Variants in ZC3H8 observed in about 807,000 individuals in gnomAD.
The protein encoded by ZC3H8 is zinc finger CCCH domain-containing protein 8.
ZC3H8 carries 27 observed loss-of-function variants against 42.5 expected under a neutral mutation model. The ratio of observed to expected loss-of-function variants is 0.64; its 90% CI spans 0.47 to 0.88. ZC3H8 has a LOEUF of 0.88. Ranked by LOEUF, ZC3H8 falls within the 40% of genes least tolerant of loss-of-function variation. The probability of loss-of-function intolerance (pLI) is 0.00; values close to 1 mark genes in which losing one functional copy is unlikely to be tolerated. For missense variants in ZC3H8, 277 were observed against 336.1 expected (o/e 0.82, Z 1.37); for synonymous variants, 101 against 110.1 (o/e 0.92, Z 0.52).
intron 2 of ZC3H8, among the ~76,000 whole-genome samples, chr2:112,242,964 A>G (rs903096681): frequency 6.6e-6 from 1 of 152,252 alleles, no homozygotes; most frequent in South Asian, 2.1e-4. Context: ...AAATCTGTCC[A>G]GAGAAAATAA....
At chr2:112,245,961 CTT>C (rs1326291503) in intron 2 of ZC3H8, among the ~76,000 whole-genome samples, 3 of 152,182 alleles carry the variant, frequency 2.0e-5, no homozygotes, top group Non-Finnish European at 2.9e-5. Flanking sequence ...TAGGCTAACT[CTT>C]GTTAGGAGCT....
In ZC3H8 at chr2:112,215,966, A is replaced by G. The variant is rs1484755974; in HGVS notation, c.*518T>C. ...GAAACTGGTTTAAAAAAATCATAGAACCATAATTTATTTTAAGCCCTAAAA... is the reference window on the plus strand; with the variant it reads ...GAAACTGGTTTAAAAAAATCATAGAGCCATAATTTATTTTAAGCCCTAAAA... On this transcript the variant is annotated 3_prime_UTR_variant, in exon 9 of 9. Coordinates refer to ENST00000409573, the MANE Select transcript of ZC3H8 (RefSeq NM_032494.3). 1 of 152,222 alleles carries G rather than the reference A, an allele frequency of 6.6e-6. No individual in the cohort carries two copies. The highest frequency in any genetic ancestry group is 2.4e-5 in the African/African-American group (1 of 41,458). 9.4% of individuals were successfully genotyped at this position (152,222 alleles called of 1,614,324 possible).
rs759784320 is a variant in ZC3H8, at chr2:112,238,480, T to A, written c.205A>T (p.Arg69Ter). The change falls in exon 3 of 9, where the codon AGA becomes TGA. Residue 69 changes from arginine to a stop codon, truncating the protein, a stop_gained. Coordinates refer to ENST00000409573, the MANE Select transcript of ZC3H8 (RefSeq NM_032494.3). LOFTEE classifies it high-confidence loss of function. ...SPKSSLHRKSRSKDYDVYSDN... is the reference protein window; with the variant it reads ...SPKSSLHRKS ...CTATATACATCATAGTCCTTACTTC[T>A]TGATTTTCTATGCAGCGAACTTTTT... 2.5e-6 allele frequency: 4 copies of A among 1,612,558 alleles called. No individual in the cohort carries two copies. Among genetic ancestry groups the A allele is most frequent in the Non-Finnish European group, 3.4e-6 (4 of 1,179,778 alleles).
chr2:112,238,897 C>T (rs1221216247), intron 2 of ZC3H8, among the ~76,000 whole-genome samples: 1 of 152,284 alleles, frequency 6.6e-6, no homozygotes, highest in Non-Finnish European at 1.5e-5. Flanking sequence ...TACATTTCTG[C>T]CTTTGCATTG....
chr2:112,251,058 T>G (rs188299547), intron 1 of ZC3H8, among the ~76,000 whole-genome samples: 3 of 152,324 alleles, frequency 2.0e-5, no homozygotes, highest in Admixed American at 2.0e-4. Flanking sequence ...TGTATAGATG[T>G]ATCTGAATAA....
At position 112,219,650 on chromosome 2, in the gene ZC3H8, AT is replaced by A. The variant is rs200148780; in HGVS notation, c.*16-3183del. On this transcript the variant is annotated intron_variant, in intron 8 of 8. Coordinates refer to ENST00000409573, the MANE Select transcript of ZC3H8 (RefSeq NM_032494.3). ...GTCTGATGAGAGTGTGAGTGGGGTG[AT>A]TTTTTTTTTTAATTTGCTGAGGATT... is the stretch of plus-strand genomic sequence containing the variant. Among the ~76,000 whole-genome samples, 962 of 147,230 alleles carry A rather than the reference AT, an allele frequency of 6.5e-3. 7 individuals carry two copies. Among genetic ancestry groups the A allele is most frequent in the African/African-American group, 0.021 (862 of 40,340 alleles).
chr2:112,242,894 C>A (rs928589909), intron 2 of ZC3H8, among the ~76,000 whole-genome samples: 2 of 152,188 alleles, frequency 1.3e-5, no homozygotes, highest in African/African-American at 4.8e-5. Flanking sequence ...AAGTAAGTTT[C>A]ATTTGTAGCC....
intron 8 of ZC3H8, among the ~76,000 whole-genome samples, chr2:112,219,868 A>C (rs1472415781): frequency 2.0e-5 from 3 of 152,144 alleles, no homozygotes; most frequent in African/African-American, 7.2e-5. Context: ...TGGAGTGTTT[A>C]ATGTCTCCCA....
At chr2:112,228,191 G>T in intron 8 of ZC3H8, among the ~76,000 whole-genome samples, 1 of 152,138 alleles carries the variant, frequency 6.6e-6, no homozygotes. Context: ...TCAGGGGGAA[G>T]GGGCAGTCTT....
At chr2:112,243,177 A>T (rs1027608358) in intron 2 of ZC3H8, among the ~76,000 whole-genome samples, 3 of 152,234 alleles carry the variant, frequency 2.0e-5, no homozygotes, top group Non-Finnish European at 2.9e-5. Context: ...CCATACCTAC[A>T]TTAATTTGCA....
chr2:112,249,150 T>C (rs1271686031), intron 2 of ZC3H8, among the ~76,000 whole-genome samples: 3 of 152,100 alleles, frequency 2.0e-5, no homozygotes, highest in Admixed American at 6.5e-5. Flanking sequence ...GAGCAGAGAT[T>C]GTGCCACTGC....
chr2:112,254,765 GCGCC>G (rs1427060078), intron 1 of ZC3H8, 139 bp downstream of exon 1: 4 of 941,368 alleles, frequency 4.2e-6, no homozygotes, highest in Non-Finnish European at 6.2e-6. Flanking sequence ...TCAGACGGTG[GCGCC>G]CGGCCGGCCC....
intron 1 of ZC3H8, 34 bp downstream of exon 1, chr2:112,254,874 C>A: frequency 6.2e-7 from 1 of 1,607,876 alleles, no homozygotes; most frequent in Non-Finnish European, 8.5e-7. Flanking sequence ...CCGCTGAGCC[C>A]CTGCATTCAA....
intron 8 of ZC3H8, among the ~76,000 whole-genome samples, chr2:112,229,108 T>C (rs1684980922): frequency 6.6e-6 from 1 of 152,138 alleles, no homozygotes; most frequent in Non-Finnish European, 1.5e-5. Flanking sequence ...GGAGAAGAAC[T>C]GACATCCCAG....
chr2:112,221,632 C>A (rs1684590686), intron 8 of ZC3H8, among the ~76,000 whole-genome samples: 1 of 151,972 alleles, frequency 6.6e-6, no homozygotes, highest in Non-Finnish European at 1.5e-5. Context: ...TCTGAGATTC[C>A]TTCTTCAGCT....
intron 8 of ZC3H8, among the ~76,000 whole-genome samples, chr2:112,219,330 AG>A (rs1684483747): frequency 6.6e-6 from 1 of 152,214 alleles, no homozygotes; most frequent in Non-Finnish European, 1.5e-5. Flanking sequence ...CATTCAATGA[AG>A]GAAGGACGGT....
Position 112,253,605 on chromosome 2 carries a change from T to C in ZC3H8, c.74+1303A>G, listed in dbSNP as rs11889423. Among the ~76,000 whole-genome samples the C allele has an allele frequency of 4.3e-3, 652 of 152,324 alleles. 6 individuals are homozygous for C. The highest frequency in any genetic ancestry group is 0.015 in the African/African-American group (609 of 41,574). On this transcript the variant is annotated intron_variant, in intron 1 of 8. Coordinates refer to ENST00000409573, the MANE Select transcript of ZC3H8 (RefSeq NM_032494.3). The stretch of plus-strand genomic sequence containing the variant: ...AAAGGAGAAAAATGGGCAAATAATA[T>C]GGACAGCTCACCATACTTCCATACC...
At chr2:112,246,767 C>A (rs892150191) in intron 2 of ZC3H8, among the ~76,000 whole-genome samples, 1 of 152,152 alleles carries the variant, frequency 6.6e-6, no homozygotes, top group Non-Finnish European at 1.5e-5. Context: ...ATTATATAAA[C>A]CTAGTTGATA....
chr2:112,252,888 A>G (rs1036217466), intron 1 of ZC3H8, among the ~76,000 whole-genome samples: 1 of 152,218 alleles, frequency 6.6e-6, no homozygotes. Context: ...TCACGCCTGT[A>G]ATCCCAGCAC....
Sources: gnomAD v4.1 joint callset for allele counts (sites outside exome capture counted in the v4.1 genomes callset) on GRCh38, gnomAD v4.1.1 for gene constraint, MANE v1.5 for transcripts, NCBI Gene and HGNC (gene_info 2026-07-23, HGNC 2026-07-21) for gene names.